The following GRID2 variants were observed in gnomAD, a reference collection of about 807,000 sequenced individuals.
GRID2 encodes glutamate ionotropic receptor delta type subunit 2, also known as glutamate receptor ionotropic, delta-2.
A neutral mutation model predicts 114.8 loss-of-function variants in GRID2; 33 were observed. The ratio of observed to expected loss-of-function variants is 0.29; its 90% CI spans 0.22 to 0.38. GRID2 has a LOEUF of 0.38. Ranked by LOEUF, GRID2 falls within the 10% of genes least tolerant of loss-of-function variation. GRID2 has a pLI of 1.00. For synonymous variants in GRID2, 505 were observed against 449.9 expected (o/e 1.12, Z -1.55); for missense variants, 1,184 against 1,257.7 (o/e 0.94, Z 0.89).
intron 2 of GRID2, among the ~76,000 whole-genome samples, chr4:92,774,576 C>A (rs1377734606): frequency 7.1e-6 from 1 of 140,550 alleles, no homozygotes. Flanking sequence ...ATTTTTCTTT[C>A]CTTTTTTTTT....
chr4:92,810,346 A>C (rs1026146604), intron 2 of GRID2, among the ~76,000 whole-genome samples: 1 of 151,880 alleles, frequency 6.6e-6, no homozygotes, highest in Non-Finnish European at 1.5e-5. Context: ...GAATTATAGC[A>C]CACTTTAAGA....
intron 1 of GRID2, among the ~76,000 whole-genome samples, chr4:92,439,461 G>A (rs975439240): frequency 2.0e-5 from 3 of 151,952 alleles, no homozygotes; most frequent in Non-Finnish European, 4.4e-5. Flanking sequence ...AAAGTGTTGG[G>A]GTGGTGAAAA....
chr4:92,721,593 A>C (rs1735812507), intron 2 of GRID2, among the ~76,000 whole-genome samples: 1 of 152,148 alleles, frequency 6.6e-6, no homozygotes, highest in African/African-American at 2.4e-5. Context: ...AAACCATCTA[A>C]ATCAACTATA....
In GRID2 at chr4:93,024,105, A is replaced by G. The variant is rs1000705965; in HGVS notation, c.245-60890A>G. On this transcript the variant is annotated intron_variant, in intron 2 of 15. Transcript: ENST00000282020. ...AAAATAAAAAGCCAGATACGGAATTATATTCTGAGTCTTGTTAATTCAAAA... is the reference window on the plus strand; with the variant it reads ...AAAATAAAAAGCCAGATACGGAATTGTATTCTGAGTCTTGTTAATTCAAAA... Among the ~76,000 whole-genome samples the G allele has an allele frequency of 3.9e-5, 6 of 151,978 alleles. 1 individual carries two copies. The Middle Eastern group carries it at 0.017, about 431-fold the overall frequency.
chr4:92,702,374 A>T (rs1734720356), intron 2 of GRID2: 1 of 151,792 alleles, frequency 6.6e-6, no homozygotes. Context: ...TACTACTTAT[A>T]TCTACTCTGG....
intron 2 of GRID2, among the ~76,000 whole-genome samples, chr4:92,693,882 G>A (rs561275014): frequency 1.3e-4 from 20 of 152,264 alleles, no homozygotes; most frequent in East Asian, 5.8e-4. Context: ...GATATTACAC[G>A]TTATAAGGAC....
intron 8 of GRID2, among the ~76,000 whole-genome samples, chr4:93,266,744 A>G (rs1192116017): frequency 5.3e-5 from 8 of 152,176 alleles, no homozygotes. Flanking sequence ...GAAACTTGTT[A>G]AAAGGGGATC....
At chr4:93,637,623 C>A (rs1721531054) in intron 14 of GRID2, among the ~76,000 whole-genome samples, 1 of 152,078 alleles carries the variant, frequency 6.6e-6, no homozygotes, top group South Asian at 2.1e-4. Context: ...AACAAAGGGT[C>A]CTCCATTACA....
In GRID2 at chr4:93,199,188, A is replaced by C. The variant is rs191915501; in HGVS notation, c.736-8216A>C. Among the ~76,000 whole-genome samples the C allele has an allele frequency of 1.3e-3, 195 of 152,318 alleles. 1 individual carries two copies. Among genetic ancestry groups the C allele is most frequent in the African/African-American group, 4.5e-3 (186 of 41,578 alleles). On this transcript the variant is annotated intron_variant, in intron 4 of 15. Transcript: ENST00000282020. ...CCTTAAATCACCACAGCAAACGCCC[A>C]GGAAAACCCCAATGCCAGCAGAAAC...
At chr4:92,342,564 C>T (rs913912815) in intron 1 of GRID2, among the ~76,000 whole-genome samples, 20 of 152,126 alleles carry the variant, frequency 1.3e-4, no homozygotes, top group Admixed American at 1.0e-3. Flanking sequence ...TACTCATAAC[C>T]TATACATATC....
chr4:92,521,961 A>T (rs904973735), intron 1 of GRID2, among the ~76,000 whole-genome samples: 4 of 152,022 alleles, frequency 2.6e-5, no homozygotes, highest in African/African-American at 7.2e-5. Context: ...GGGAAATAGT[A>T]AACAACAAAT....
At chr4:92,448,451 G>GC (rs1241724970) in intron 1 of GRID2, among the ~76,000 whole-genome samples, 1 of 152,030 alleles carries the variant, frequency 6.6e-6, no homozygotes, top group Non-Finnish European at 1.5e-5. Context: ...ACAGGCATGA[G>GC]CCACCATACC....
chr4:93,344,854 TATA>T (rs1669534626), intron 8 of GRID2, among the ~76,000 whole-genome samples: 1 of 151,890 alleles, frequency 6.6e-6, no homozygotes, highest in Admixed American at 6.6e-5. Flanking sequence ...AGATTCCACA[TATA>T]AGTGAGATCA....
chr4:93,139,545 A>G (rs925047639), intron 4 of GRID2, among the ~76,000 whole-genome samples: 2 of 152,184 alleles, frequency 1.3e-5, no homozygotes, highest in East Asian at 1.9e-4. Context: ...TTGCTTTTCC[A>G]TAGTCCATAC....
intron 1 of GRID2, among the ~76,000 whole-genome samples, chr4:92,519,112 A>G (rs1370617413): frequency 6.6e-6 from 1 of 151,904 alleles, no homozygotes; most frequent in Non-Finnish European, 1.5e-5. Flanking sequence ...AAATACATGT[A>G]TCAAATTTAA....
At chr4:92,853,425 C>G (rs1022112704) in intron 2 of GRID2, among the ~76,000 whole-genome samples, 4 of 151,858 alleles carry the variant, frequency 2.6e-5, no homozygotes, top group African/African-American at 9.7e-5. Flanking sequence ...CTGACTTTCT[C>G]CAATCTCATA....
intron 4 of GRID2, among the ~76,000 whole-genome samples, chr4:93,181,422 G>A (rs781148634): frequency 2.0e-5 from 3 of 152,066 alleles, no homozygotes; most frequent in Non-Finnish European, 2.9e-5. Context: ...TTTTTGAAAT[G>A]GTAAGGAATA....
intron 2 of GRID2, among the ~76,000 whole-genome samples, chr4:92,658,793 G>GTATATATATATATA (rs201480396): frequency 3.8e-5 from 5 of 132,362 alleles, no homozygotes; most frequent in Non-Finnish European, 6.5e-5. Context: ...GTGTGTGTGT[G>GTATATATATATATA]TATATATATA....
At chr4:92,397,521 GAGAA>G (rs1429880703) in intron 1 of GRID2, among the ~76,000 whole-genome samples, 1 of 151,766 alleles carries the variant, frequency 6.6e-6, no homozygotes, top group African/African-American at 2.4e-5. Context: ...TGAAGATCAA[GAGAA>G]AGAAAAAAGA....
Sources: gnomAD v4.1 joint callset for allele counts (sites outside exome capture counted in the v4.1 genomes callset) on GRCh38, gnomAD v4.1.1 for gene constraint, MANE v1.5 for transcripts, NCBI Gene and HGNC (gene_info 2026-07-23, HGNC 2026-07-21) for gene names.